Variants in PAX5 observed in about 807,000 individuals in gnomAD.
The protein encoded by PAX5 is paired box protein Pax-5.
A neutral mutation model predicts 43.7 loss-of-function variants in PAX5; 9 were observed. That is an observed-to-expected ratio of 0.21 (90% confidence interval 0.12 to 0.36). PAX5 has a LOEUF of 0.36. Ranked by LOEUF, PAX5 falls within the 10% of genes least tolerant of loss-of-function variation. The pLI is 1.00. For synonymous variants in PAX5, 228 were observed against 214.3 expected (o/e 1.06, Z -0.56); for missense variants, 383 against 532.7 (o/e 0.72, Z 2.77).
chr9:36,981,801 A>G (rs1387584597), intron 5 of PAX5, among the ~76,000 whole-genome samples: 1 of 152,274 alleles, frequency 6.6e-6, no homozygotes, highest in Non-Finnish European at 1.5e-5. Flanking sequence ...CACTTCTCTC[A>G]ACACATCTGT....
chr9:36,876,508 C>A (rs1825925167), intron 8 of PAX5, among the ~76,000 whole-genome samples: 1 of 152,182 alleles, frequency 6.6e-6, no homozygotes, highest in Non-Finnish European at 1.5e-5. Context: ...TCCTCTAGCC[C>A]AGAATTTGTC....
At chr9:37,022,863 C>T (rs1839971873) in intron 1 of PAX5, among the ~76,000 whole-genome samples, 1 of 152,142 alleles carries the variant, frequency 6.6e-6, no homozygotes, top group African/African-American at 2.4e-5. Context: ...TTGGGGTGAC[C>T]TGGGAGCCTG....
At chr9:36,886,898 A>G (rs1165450451) in intron 7 of PAX5, among the ~76,000 whole-genome samples, 1 of 152,212 alleles carries the variant, frequency 6.6e-6, no homozygotes, top group Non-Finnish European at 1.5e-5. Context: ...GCTTACTATC[A>G]GCAAGGAGTC....
At chr9:37,008,831 G>A (rs1315313914) in intron 3 of PAX5, among the ~76,000 whole-genome samples, 3 of 152,166 alleles carry the variant, frequency 2.0e-5, no homozygotes, top group Non-Finnish European at 2.9e-5. Flanking sequence ...AAAACTCATG[G>A]CATTTGGGAG....
chr9:36,989,262 C>T (rs1482421221), intron 5 of PAX5, among the ~76,000 whole-genome samples: 1 of 152,194 alleles, frequency 6.6e-6, no homozygotes, highest in Non-Finnish European at 1.5e-5. Flanking sequence ...TGAGGATATT[C>T]CCCTGGAGAA....
intron 2 of PAX5, among the ~76,000 whole-genome samples, chr9:37,017,436 AG>A (rs1839476590): frequency 6.6e-6 from 1 of 152,232 alleles, no homozygotes; most frequent in Admixed American, 6.5e-5. Context: ...AATAATAATA[AG>A]AATAATGACC....
At chr9:36,889,529 G>A (rs964348566) in intron 7 of PAX5, among the ~76,000 whole-genome samples, 1 of 152,146 alleles carries the variant, frequency 6.6e-6, no homozygotes, top group Non-Finnish European at 1.5e-5. Flanking sequence ...AGCGAGATTA[G>A]GCACCTGCCC....
chr9:36,909,205 C>A (rs754967069), intron 7 of PAX5, among the ~76,000 whole-genome samples: 1 of 152,162 alleles, frequency 6.6e-6, no homozygotes, highest in East Asian at 1.9e-4. Flanking sequence ...GAATTCACCC[C>A]CAAATCGTTC....
rs374672103 is a variant in PAX5 at position 36,966,544 on chromosome 9, C to T, written c.780+5G>A. The T allele has an allele frequency of 2.0e-5, 33 of 1,611,612 alleles. No homozygotes were observed. Among genetic ancestry groups the T allele is most frequent in the Non-Finnish European group, 2.3e-5 (27 of 1,178,242 alleles). On this transcript the variant is annotated splice_donor_5th_base_variant and intron_variant, in intron 6 of 9. Transcript: ENST00000358127. ...GGTGTGGTGGGCGTGCATCACGAGG[C>T]GTACCTGCTCGGGCTTGATGGGCTC...
intron 6 of PAX5, among the ~76,000 whole-genome samples, chr9:36,944,761 T>C (rs1040193314): frequency 6.6e-6 from 1 of 152,254 alleles, no homozygotes; most frequent in African/African-American, 2.4e-5. Context: ...AGTATAACTC[T>C]AAGGGGACCA....
At chr9:36,894,134 A>G (rs1827653122) in intron 7 of PAX5, among the ~76,000 whole-genome samples, 1 of 152,142 alleles carries the variant, frequency 6.6e-6, no homozygotes, top group South Asian at 2.1e-4. Flanking sequence ...GCCGGTGAAC[A>G]TGGAAGACAA....
intron 1 of PAX5, among the ~76,000 whole-genome samples, chr9:37,031,277 C>A (rs1840953587): frequency 6.6e-6 from 1 of 152,234 alleles, no homozygotes; most frequent in South Asian, 2.1e-4. Context: ...TTGAGACAGG[C>A]AGCCCCTTCT....
chr9:36,905,807 G>A (rs1304858111), intron 7 of PAX5, among the ~76,000 whole-genome samples: 2 of 152,210 alleles, frequency 1.3e-5, no homozygotes, highest in African/African-American at 2.4e-5. Context: ...GGGCTCCAGA[G>A]GTGTCTGACT....
chr9:36,899,343 C>G (rs1238028177), intron 7 of PAX5, among the ~76,000 whole-genome samples: 3 of 152,242 alleles, frequency 2.0e-5, no homozygotes, highest in African/African-American at 7.2e-5. Context: ...GACACTAGAC[C>G]TAACCCTTCT....
At chr9:37,031,665 C>T (rs1056443228) in intron 1 of PAX5, among the ~76,000 whole-genome samples, 4 of 152,010 alleles carry the variant, frequency 2.6e-5, no homozygotes, top group Admixed American at 1.3e-4. Context: ...TTTATGATCT[C>T]GAACAAGTCC....
intron 3 of PAX5, among the ~76,000 whole-genome samples, chr9:37,012,897 T>C (rs967724913): frequency 2.0e-5 from 3 of 152,136 alleles, no homozygotes; most frequent in Admixed American, 6.5e-5. Flanking sequence ...GCTCTGTAAA[T>C]AAGTTATGCT....
Position 36,923,440 on chromosome 9 carries a change from G to A in PAX5, c.825C>T (p.Asp275=), listed in dbSNP as rs143317078. ...GGCTGGCCAGATTGGCCTTCATGTC[G>A]TCCAGCCCACCAGCCAGCGAGGCCA... is the stretch of plus-strand genomic sequence containing the variant. ...SAMASLAGGL[D]DMKANLASPT... Residue 275 remains aspartate, a synonymous_variant, in exon 7 of 10, where the codon GAC becomes GAT. Transcript: ENST00000358127. 5.8e-5 allele frequency: 93 copies of A among 1,612,570 alleles called. No individual in the cohort carries two copies. The highest frequency in any genetic ancestry group is 2.5e-4 in the African/African-American group (19 of 75,048).
At chr9:36,953,109 T>A (rs1024166368) in intron 6 of PAX5, among the ~76,000 whole-genome samples, 1 of 152,226 alleles carries the variant, frequency 6.6e-6, no homozygotes, top group Non-Finnish European at 1.5e-5. Flanking sequence ...TAATTCCCCA[T>A]GATATAAAAT....
intron 8 of PAX5, among the ~76,000 whole-genome samples, chr9:36,875,134 C>T (rs560774219): frequency 2.6e-5 from 4 of 152,280 alleles, no homozygotes; most frequent in South Asian, 2.1e-4. Flanking sequence ...CCCCATGTGG[C>T]GGCCACTCTA....
Sources: gnomAD v4.1 joint callset for allele counts (sites outside exome capture counted in the v4.1 genomes callset) on GRCh38, gnomAD v4.1.1 for gene constraint, MANE v1.5 for transcripts, NCBI Gene and HGNC (gene_info 2026-07-23, HGNC 2026-07-21) for gene names.